The following LYN variants were observed in gnomAD, a reference collection of about 807,000 sequenced individuals.
LYN encodes tyrosine-protein kinase Lyn.
A neutral mutation model predicts 65.0 loss-of-function variants in LYN; 12 were observed. That is an observed-to-expected ratio of 0.18 (90% CI 0.12 to 0.30). The LOEUF is 0.30. Ranked by LOEUF, LYN falls within the 10% of genes least tolerant of loss-of-function variation. The pLI is 1.00. For synonymous variants in LYN, 222 were observed against 221.2 expected (o/e 1.00, Z -0.03); for missense variants, 380 against 623.2 (o/e 0.61, Z 4.16).
At chr8:55,937,278 A>G (rs1806462145) in intron 1 of LYN, among the ~76,000 whole-genome samples, 1 of 152,204 alleles carries the variant, frequency 6.6e-6, no homozygotes, top group African/African-American at 2.4e-5. Flanking sequence ...ATATACATAT[A>G]TATGGATTGT....
At position 55,989,174 on chromosome 8, in the gene LYN, G is replaced by A. The variant is rs543948666; in HGVS notation, c.1051-9172G>A. Reference sequence around the variant, plus strand: ...GGTGGGAGAGAGCTTGCTGGAAGCCGGTTTCACCGTGTGGGATGCTGGGGT... The same window carrying A: ...GGTGGGAGAGAGCTTGCTGGAAGCCAGTTTCACCGTGTGGGATGCTGGGGT... On this transcript the variant is annotated intron_variant, in intron 10 of 12. Transcript: ENST00000519728. Among the ~76,000 whole-genome samples, 89 of 152,346 alleles carry A rather than the reference G, an allele frequency of 5.8e-4. 4 individuals carry two copies. The South Asian group carries it at 0.017, about 29-fold the overall frequency.
chr8:55,958,696 A>G (rs183878330), intron 8 of LYN, among the ~76,000 whole-genome samples: 347 of 152,358 alleles, frequency 2.3e-3, no homozygotes, highest in Middle Eastern at 6.8e-3. Flanking sequence ...TACCTCAAAT[A>G]ATTAGAATCA....
intron 1 of LYN, among the ~76,000 whole-genome samples, chr8:55,919,884 T>C (rs1346609893): frequency 6.9e-6 from 1 of 145,548 alleles, no homozygotes; most frequent in Non-Finnish European, 1.5e-5. Flanking sequence ...TAATTCTTTG[T>C]ACCTGGGAAA....
intron 1 of LYN, among the ~76,000 whole-genome samples, chr8:55,904,051 A>G (rs1345923789): frequency 6.6e-6 from 1 of 152,214 alleles, no homozygotes; most frequent in African/African-American, 2.4e-5. Flanking sequence ...GGAGTTTCAA[A>G]CATAAAGTAG....
chr8:55,924,757 T>C (rs1806054120), intron 1 of LYN, among the ~76,000 whole-genome samples: 1 of 152,182 alleles, frequency 6.6e-6, no homozygotes, highest in Non-Finnish European at 1.5e-5. Context: ...TTACAGTGAC[T>C]CTCCAGTTCA....
chr8:55,935,144 A>G (rs149605729), intron 1 of LYN, among the ~76,000 whole-genome samples: 184 of 152,174 alleles, frequency 1.2e-3, no homozygotes, highest in African/African-American at 4.2e-3. Context: ...GCCCCCAAAC[A>G]CTGTTCCTAT....
chr8:56,005,168 C>T (rs1808638631), intron 12 of LYN, among the ~76,000 whole-genome samples: 1 of 152,174 alleles, frequency 6.6e-6, no homozygotes, highest in South Asian at 2.1e-4. Flanking sequence ...CAATTCTCTC[C>T]CCATAGGCAA....
intron 7 of LYN, among the ~76,000 whole-genome samples, chr8:55,953,082 C>T (rs1055951998): frequency 1.3e-5 from 2 of 152,176 alleles, no homozygotes; most frequent in African/African-American, 4.8e-5. Flanking sequence ...TTCTTGCCTT[C>T]CTCCGCCCTC....
At chr8:55,995,251 G>A (rs760731285) in intron 10 of LYN, among the ~76,000 whole-genome samples, 5 of 152,194 alleles carry the variant, frequency 3.3e-5, no homozygotes, top group Non-Finnish European at 7.3e-5. Context: ...CCTTCACCTG[G>A]TTATCACCAC....
intron 7 of LYN, among the ~76,000 whole-genome samples, chr8:55,953,579 C>T (rs529723529): frequency 1.6e-3 from 240 of 151,972 alleles, no homozygotes; most frequent in African/African-American, 5.6e-3. Context: ...ACCCAGGAGG[C>T]GGAGGTTGCA....
At chr8:55,937,339 T>C (rs1311781759) in intron 1 of LYN, among the ~76,000 whole-genome samples, 1 of 152,218 alleles carries the variant, frequency 6.6e-6, no homozygotes, top group African/African-American at 2.4e-5. Context: ...CGCAATTACT[T>C]TTGCAACAGC....
chr8:55,925,130 T>C (rs1806068972), intron 1 of LYN, among the ~76,000 whole-genome samples: 1 of 152,076 alleles, frequency 6.6e-6, no homozygotes, highest in African/African-American at 2.4e-5. Flanking sequence ...GCCTCTTTTT[T>C]TGTTTGTTTT....
At chr8:55,972,712 G>A (rs1188799648) in intron 10 of LYN, among the ~76,000 whole-genome samples, 1 of 152,130 alleles carries the variant, frequency 6.6e-6, no homozygotes, top group Non-Finnish European at 1.5e-5. Flanking sequence ...TGCATAACAT[G>A]ACAATAGAAT....
At chr8:55,909,993 C>G (rs201287071) in intron 1 of LYN, among the ~76,000 whole-genome samples, 2 of 138,054 alleles carry the variant, frequency 1.4e-5, no homozygotes, top group African/African-American at 5.3e-5. Context: ...GTGTGTGTGT[C>G]TTTTTTTTTT....
chr8:55,968,981 T>C (rs1270845560), intron 9 of LYN, among the ~76,000 whole-genome samples: 1 of 152,210 alleles, frequency 6.6e-6, no homozygotes, highest in African/African-American at 2.4e-5. Context: ...CACAGTTCAC[T>C]CATCAAATAT....
chr8:55,972,641 C>T (rs1244484025), intron 10 of LYN, among the ~76,000 whole-genome samples: 1 of 152,206 alleles, frequency 6.6e-6, no homozygotes, highest in Non-Finnish European at 1.5e-5. Flanking sequence ...GCCATCTCTG[C>T]ATTATCTTAC....
At chr8:55,990,324 A>G (rs1808213869) in intron 10 of LYN, among the ~76,000 whole-genome samples, 1 of 148,478 alleles carries the variant, frequency 6.7e-6, no homozygotes, top group Non-Finnish European at 1.5e-5. Context: ...AGTAAGCTTG[A>G]GTTAAGGTAT....
chr8:55,986,203 A>C (rs1563324783), intron 10 of LYN, among the ~76,000 whole-genome samples: 2 of 150,000 alleles, frequency 1.3e-5, no homozygotes, highest in South Asian at 2.1e-4. Flanking sequence ...GCAAAAAAAA[A>C]CGCTACCTTA....
intron 12 of LYN, among the ~76,000 whole-genome samples, chr8:56,001,547 C>T (rs1022192952): frequency 3.3e-5 from 5 of 152,098 alleles, no homozygotes; most frequent in Non-Finnish European, 5.9e-5. Context: ...CACAGTGGAC[C>T]GGCTGTCCCA....
Sources: allele counts gnomAD v4.1 joint callset (sites outside exome capture counted in the v4.1 genomes callset), GRCh38; gene constraint gnomAD v4.1.1; transcripts MANE v1.5; gene names NCBI Gene and HGNC (gene_info 2026-07-23, HGNC 2026-07-21).